The following PTPRG variants were observed in gnomAD, a reference collection of about 807,000 sequenced individuals.
PTPRG encodes protein tyrosine phosphatase receptor type G.
PTPRG carries 102 observed loss-of-function variants against 165.3 expected under a neutral mutation model. That is an observed-to-expected ratio of 0.62 (90% CI 0.53 to 0.73). The LOEUF (loss-of-function observed/expected upper bound fraction) is 0.73. Among genes scored for constraint, PTPRG ranks in the 30% least tolerant of loss-of-function variants. PTPRG has a pLI of 0.00. For missense variants in PTPRG, 1,866 were observed against 1,861.4 expected (o/e 1.00, Z -0.05); for synonymous variants, 675 against 669.5 (o/e 1.01, Z -0.13).
At chr3:61,696,244 A>G (rs2030583161) in intron 1 of PTPRG, among the ~76,000 whole-genome samples, 1 of 152,194 alleles carries the variant, frequency 6.6e-6, no homozygotes, top group African/African-American at 2.4e-5. Context: ...ACTCACGCCT[A>G]TAATCCTAGC....
In PTPRG at chr3:62,040,338, G is replaced by C. The variant is rs150187479; in HGVS notation, c.519+36841G>C. ...TACTTATCTGGCAGTGAGCACCTATGGGAAAATGTGCTGTGGGTAATGATG... is the reference window on the plus strand; with the variant it reads ...TACTTATCTGGCAGTGAGCACCTATCGGAAAATGTGCTGTGGGTAATGATG... On this transcript the variant is annotated intron_variant, in intron 4 of 29. Coordinates refer to ENST00000474889, the MANE Select transcript of PTPRG (RefSeq NM_002841.4). 6.1e-4 allele frequency among the ~76,000 whole-genome samples: 93 copies of C among 152,322 alleles called. 6 individuals carry two copies. In the East Asian group the frequency reaches 0.01, roughly 17 times the overall value.
At chr3:61,877,292 C>A (rs549539628) in intron 2 of PTPRG, among the ~76,000 whole-genome samples, 1 of 152,092 alleles carries the variant, frequency 6.6e-6, no homozygotes, top group Non-Finnish European at 1.5e-5. Flanking sequence ...TTATTATTTT[C>A]TAAGTATTAA....
intron 26 of PTPRG, among the ~76,000 whole-genome samples, chr3:62,278,547 A>T (rs1702316047): frequency 1.3e-5 from 2 of 152,082 alleles, no homozygotes; most frequent in Non-Finnish European, 2.9e-5. Flanking sequence ...TGAGGTAAAA[A>T]CAAAAAACAG....
intron 1 of PTPRG, among the ~76,000 whole-genome samples, chr3:61,672,081 G>A (rs577205511): frequency 1.9e-4 from 28 of 149,168 alleles, no homozygotes; most frequent in African/African-American, 5.3e-4. Context: ...CATCCCGGAC[G>A]GGGCAGCAGG....
At chr3:61,728,049 A>G (rs1487691376) in intron 1 of PTPRG, among the ~76,000 whole-genome samples, 4 of 152,094 alleles carry the variant, frequency 2.6e-5, no homozygotes, top group Admixed American at 2.6e-4. Context: ...TCCCATTTCC[A>G]TCTCCATGTC....
intron 2 of PTPRG, among the ~76,000 whole-genome samples, chr3:61,849,074 G>A (rs1400020088): frequency 6.6e-6 from 1 of 152,198 alleles, no homozygotes; most frequent in African/African-American, 2.4e-5. Flanking sequence ...GCCTTTTGCA[G>A]TTGGGACAAA....
At chr3:62,121,049 A>G (rs958835943) in intron 5 of PTPRG, among the ~76,000 whole-genome samples, 7 of 150,476 alleles carry the variant, frequency 4.7e-5, no homozygotes, top group Non-Finnish European at 8.9e-5. Context: ...GGTTCATGCC[A>G]TTCTCCTGCC....
chr3:61,929,843 A>T (rs2039315094), intron 2 of PTPRG, among the ~76,000 whole-genome samples: 1 of 152,162 alleles, frequency 6.6e-6, no homozygotes, highest in Non-Finnish European at 1.5e-5. Flanking sequence ...CAGTTGATTA[A>T]GATTTTTATT....
At chr3:62,021,505 C>A (rs896828826) in intron 4 of PTPRG, among the ~76,000 whole-genome samples, 1 of 152,052 alleles carries the variant, frequency 6.6e-6, no homozygotes, top group Admixed American at 6.5e-5. Context: ...TATAGTATAC[C>A]CTTTTTGTTA....
At chr3:62,098,764 A>AAGT (rs1287243580) in intron 5 of PTPRG, among the ~76,000 whole-genome samples, 2 of 152,138 alleles carry the variant, frequency 1.3e-5, no homozygotes, top group African/African-American at 4.8e-5. Flanking sequence ...AAGACATGCT[A>AAGT]AGTATGTTTA....
Position 62,273,877 on chromosome 3 carries a change from G to T in PTPRG, c.3465+33G>T. 1.2e-6 allele frequency: 2 copies of T among 1,605,976 alleles called. No homozygotes were observed. Among genetic ancestry groups the T allele is most frequent in the Admixed American group, 1.7e-5 (1 of 59,508 alleles). On this transcript the variant is annotated intron_variant, in intron 23 of 29. Coordinates refer to ENST00000474889, the MANE Select transcript of PTPRG (RefSeq NM_002841.4). The surrounding 1 kb of genome is among the most constrained non-coding windows in gnomAD (Gnocchi z 4.1). ...TTTGAAAAAGTTTCTTTGGCATAAAGCAAGAAAATGTTTTAAATGCCTTGA... is the reference window on the plus strand; with the variant it reads ...TTTGAAAAAGTTTCTTTGGCATAAATCAAGAAAATGTTTTAAATGCCTTGA...
chr3:61,723,778 T>C (rs141559837), intron 1 of PTPRG, among the ~76,000 whole-genome samples: 8 of 152,296 alleles, frequency 5.3e-5, no homozygotes, highest in African/African-American at 9.6e-5. Flanking sequence ...TTTTATCTCA[T>C]ATATGGTGTA....
chr3:61,657,431 G>T (rs1188941269), intron 1 of PTPRG, among the ~76,000 whole-genome samples: 2 of 152,028 alleles, frequency 1.3e-5, no homozygotes, highest in African/African-American at 2.4e-5. Flanking sequence ...CCAGGAGTTT[G>T]GTACTAGCTT....
chr3:62,142,188 C>T (rs1456080978), intron 6 of PTPRG, among the ~76,000 whole-genome samples: 1 of 151,834 alleles, frequency 6.6e-6, no homozygotes, highest in African/African-American at 2.4e-5. Context: ...TAGCAAGCTT[C>T]TGAAGAAAAC....
intron 2 of PTPRG, among the ~76,000 whole-genome samples, chr3:61,863,773 C>G (rs567451967): frequency 3.3e-5 from 5 of 152,140 alleles, no homozygotes; most frequent in African/African-American, 9.7e-5. Flanking sequence ...CTGAACATAC[C>G]ATTTAAGCTG....
chr3:62,011,876 G>T (rs2041430322), intron 4 of PTPRG, among the ~76,000 whole-genome samples: 1 of 152,146 alleles, frequency 6.6e-6, no homozygotes, highest in African/African-American at 2.4e-5. Flanking sequence ...GCTGTTTGAT[G>T]GTGTGTCAGT....
At chr3:61,757,711 T>C (rs933275398) in intron 2 of PTPRG, among the ~76,000 whole-genome samples, 21 of 152,256 alleles carry the variant, frequency 1.4e-4, no homozygotes, top group African/African-American at 5.1e-4. Context: ...TATAAATTTA[T>C]TGTGTCAACA....
intron 12 of PTPRG, among the ~76,000 whole-genome samples, chr3:62,216,221 A>G (rs1240700811): frequency 6.6e-6 from 1 of 151,568 alleles, no homozygotes; most frequent in African/African-American, 2.4e-5. Flanking sequence ...CAAAAAAGAA[A>G]AAAAAAAAAA....
At chr3:62,094,785 A>T (rs1702054068) in intron 5 of PTPRG, among the ~76,000 whole-genome samples, 1 of 152,100 alleles carries the variant, frequency 6.6e-6, no homozygotes, top group African/African-American at 2.4e-5. Flanking sequence ...GACTGGGGAG[A>T]GTAGGGAGGC....
Sources: gnomAD v4.1 joint callset for allele counts (sites outside exome capture counted in the v4.1 genomes callset) on GRCh38, gnomAD v4.1.1 for gene constraint, Gnocchi (gnomAD v3.1) non-coding constraint, MANE v1.5 for transcripts, NCBI Gene and HGNC (gene_info 2026-07-23, HGNC 2026-07-21) for gene names.